STIM2: variants seen among roughly 807,000 people sequenced by gnomAD.
STIM2 encodes stromal interaction molecule 2.
A neutral mutation model predicts 85.8 loss-of-function variants in STIM2; 31 were observed. The ratio of observed to expected loss-of-function variants is 0.36; its 90% CI spans 0.27 to 0.49. The LOEUF (loss-of-function observed/expected upper bound fraction) is 0.49, where lower values mean the gene tolerates loss of function less well. STIM2 is among the 20% of genes least tolerant of loss of function. The pLI is 0.98. For synonymous variants in STIM2, 356 were observed against 331.1 expected (o/e 1.08, Z -0.82); for missense variants, 841 against 927.6 (o/e 0.91, Z 1.21).
intron 3 of STIM2, among the ~76,000 whole-genome samples, chr4:26,972,827 C>T (rs749613315): frequency 2.8e-4 from 42 of 152,174 alleles, no homozygotes; most frequent in Non-Finnish European, 4.9e-4. Flanking sequence ...CCCAGCTCCT[C>T]TTTGTACCTC....
chr4:26,962,966 T>C (rs1726541034), intron 3 of STIM2, among the ~76,000 whole-genome samples: 1 of 152,176 alleles, frequency 6.6e-6, no homozygotes, highest in African/African-American at 2.4e-5. Context: ...GGTCACTGTT[T>C]AATTTTGGGC....
intron 1 of STIM2, among the ~76,000 whole-genome samples, chr4:26,898,883 A>C (rs1434621638): frequency 3.3e-5 from 5 of 152,142 alleles, no homozygotes; most frequent in Admixed American, 3.3e-4. Context: ...CATTTAAAAA[A>C]ATTTAGCAAT....
At chr4:26,932,721 A>G (rs766013830) in intron 2 of STIM2, among the ~76,000 whole-genome samples, 35 of 152,168 alleles carry the variant, frequency 2.3e-4, no homozygotes, top group Non-Finnish European at 3.7e-4. Flanking sequence ...ATGGGTTAGG[A>G]GCACTCTCTG....
At chr4:26,869,803 C>G (rs191110521) in intron 1 of STIM2, among the ~76,000 whole-genome samples, 1 of 150,932 alleles carries the variant, frequency 6.6e-6, no homozygotes, top group African/African-American at 2.4e-5. Context: ...GGTAGCTTAT[C>G]TAGTATCCTT....
At chr4:26,922,905 C>A (rs1220671515) in intron 2 of STIM2, among the ~76,000 whole-genome samples, 1 of 152,102 alleles carries the variant, frequency 6.6e-6, no homozygotes, top group Non-Finnish European at 1.5e-5. Context: ...GAACCTAGGA[C>A]AAAGACCAAA....
chr4:27,006,482 G>T (rs868370970), intron 7 of STIM2, among the ~76,000 whole-genome samples: 13 of 152,154 alleles, frequency 8.5e-5, no homozygotes, highest in African/African-American at 3.1e-4. Flanking sequence ...CTCCGTAGTC[G>T]CTCGTAGCTT....
At chr4:26,971,021 G>T (rs1464318820) in intron 3 of STIM2, among the ~76,000 whole-genome samples, 2 of 152,136 alleles carry the variant, frequency 1.3e-5, no homozygotes, top group Non-Finnish European at 2.9e-5. Flanking sequence ...TCATGTGTCT[G>T]TTGGCTGCAT....
intron 1 of STIM2, among the ~76,000 whole-genome samples, chr4:26,883,764 A>C (rs1018699474): frequency 1.3e-5 from 2 of 152,336 alleles, no homozygotes; most frequent in South Asian, 4.1e-4. Context: ...GCTGTATCAA[A>C]TGTTCCTTTT....
At chr4:26,951,163 A>G (rs529748731) in intron 2 of STIM2, among the ~76,000 whole-genome samples, 1 of 152,162 alleles carries the variant, frequency 6.6e-6, no homozygotes, top group Non-Finnish European at 1.5e-5. Flanking sequence ...TAATATTGCA[A>G]TGAAAACTCT....
intron 1 of STIM2, among the ~76,000 whole-genome samples, chr4:26,898,057 G>C (rs565601962): frequency 6.6e-6 from 1 of 152,306 alleles, no homozygotes; most frequent in African/African-American, 2.4e-5. Context: ...ATTAGTCACT[G>C]TGCTTGGTCC....
intron 1 of STIM2, among the ~76,000 whole-genome samples, chr4:26,907,998 T>A (rs778311284): frequency 6.6e-6 from 1 of 152,178 alleles, no homozygotes; most frequent in Non-Finnish European, 1.5e-5. Flanking sequence ...TTTTTGTTGC[T>A]GAGACCAAAT....
chr4:26,861,419 C>T (rs1428800406), intron 1 of STIM2, 50 bp downstream of exon 1: 1 of 1,278,686 alleles, frequency 7.8e-7, no homozygotes, highest in Non-Finnish European at 9.8e-7. Flanking sequence ...GCGATGGGAC[C>T]CCCAACCCGT....
intron 1 of STIM2, among the ~76,000 whole-genome samples, chr4:26,865,668 A>G (rs1001987538): frequency 6.6e-6 from 1 of 152,152 alleles, no homozygotes. Context: ...ACTAACTGCT[A>G]ATAATATGGA....
chr4:26,966,329 C>T (rs543043027), intron 3 of STIM2, among the ~76,000 whole-genome samples: 83 of 152,188 alleles, frequency 5.5e-4, no homozygotes, highest in South Asian at 1.7e-3. Flanking sequence ...AGGAGTGACT[C>T]AGGAAATAGT....
intron 1 of STIM2, among the ~76,000 whole-genome samples, chr4:26,869,033 G>T (rs1336503552): frequency 1.3e-5 from 2 of 152,088 alleles, no homozygotes; most frequent in Non-Finnish European, 2.9e-5. Flanking sequence ...TGTAGCTTAT[G>T]CCTGTAATCC....
intron 2 of STIM2, among the ~76,000 whole-genome samples, chr4:26,952,760 T>C (rs1010037100): frequency 2.0e-5 from 3 of 151,980 alleles, no homozygotes; most frequent in African/African-American, 7.3e-5. Context: ...CATCTAAGAG[T>C]TTAGGATCCA....
At chr4:26,932,174 T>C (rs1725228016) in intron 2 of STIM2, among the ~76,000 whole-genome samples, 1 of 152,212 alleles carries the variant, frequency 6.6e-6, no homozygotes, top group Non-Finnish European at 1.5e-5. Flanking sequence ...TTGTAAATGA[T>C]AGAGTTGAGG....
chr4:26,980,959 G>A (rs548571327), intron 3 of STIM2, among the ~76,000 whole-genome samples: 9 of 152,204 alleles, frequency 5.9e-5, no homozygotes, highest in African/African-American at 1.9e-4. Flanking sequence ...TTTCTGGCAC[G>A]AAAAGATGTT....
At chr4:26,884,685 T>G (rs1272303139) in intron 1 of STIM2, among the ~76,000 whole-genome samples, 2 of 152,244 alleles carry the variant, frequency 1.3e-5, no homozygotes, top group Non-Finnish European at 1.5e-5. Flanking sequence ...CCTGTTTATT[T>G]AGCACCATTG....
Sources: gnomAD v4.1 joint callset for allele counts (sites outside exome capture counted in the v4.1 genomes callset) on GRCh38, gnomAD v4.1.1 for gene constraint, MANE v1.5 for transcripts, NCBI Gene and HGNC (gene_info 2026-07-23, HGNC 2026-07-21) for gene names.